The following TP53BP1 variants were observed in gnomAD, a reference collection of about 807,000 sequenced individuals.
TP53BP1 encodes the protein TP53-binding protein 1.
A neutral mutation model predicts 200.8 loss-of-function variants in TP53BP1; 61 were observed. The observed-to-expected ratio is 0.30, with a 90% CI of 0.25 to 0.38. The LOEUF (loss-of-function observed/expected upper bound fraction) is 0.38. Ranked by LOEUF, TP53BP1 falls within the 10% of genes least tolerant of loss-of-function variation. The pLI is 1.00. For synonymous variants in TP53BP1, 822 were observed against 844.3 expected (o/e 0.97, Z 0.46); for missense variants, 2,144 against 2,371.9 (o/e 0.90, Z 2.00).
chr15:43,445,728 C>T (rs2046026845), intron 14 of TP53BP1, among the ~76,000 whole-genome samples: 1 of 152,146 alleles, frequency 6.6e-6, no homozygotes, highest in Admixed American at 6.5e-5. Flanking sequence ...TCACCTGGCA[C>T]CATCGTTCTG....
In TP53BP1 at chr15:43,404,729, G is replaced by A; in HGVS notation, c.*2654C>T. On this transcript the variant is annotated 3_prime_UTR_variant, in exon 28 of 28. Transcript: ENST00000382044. ...TAATGGAGGTTATTTTCTAGTAGAAGTCATCATCATCATAAAATACTAAAA... is the reference window on the plus strand; with the variant it reads ...TAATGGAGGTTATTTTCTAGTAGAAATCATCATCATCATAAAATACTAAAA... The A allele has an allele frequency of 1.5e-6, 1 of 683,270 alleles. No homozygotes were observed. 42.3% of individuals were successfully genotyped at this position (683,270 alleles called of 1,614,324 possible).
intron 18 of TP53BP1, among the ~76,000 whole-genome samples, chr15:43,427,324 T>A (rs1348267373): frequency 6.6e-6 from 1 of 152,150 alleles, no homozygotes; most frequent in Non-Finnish European, 1.5e-5. Context: ...AAGAACAGAA[T>A]GAGTAGACAT....
intron 19 of TP53BP1, among the ~76,000 whole-genome samples, chr15:43,421,461 C>G (rs1484317928): frequency 6.6e-6 from 1 of 152,212 alleles, no homozygotes; most frequent in Admixed American, 6.5e-5. Context: ...TTCTCCTCTA[C>G]TTTAGGCTCT....
At chr15:43,505,728 C>T (rs2079232333) in intron 1 of TP53BP1, among the ~76,000 whole-genome samples, 1 of 152,178 alleles carries the variant, frequency 6.6e-6, no homozygotes. Flanking sequence ...CCATCTCAAC[C>T]TTTTTAGATA....
chr15:43,479,272 T>G, intron 7 of TP53BP1, 125 bp downstream of exon 7: 4 of 969,658 alleles, frequency 4.1e-6, no homozygotes, highest in South Asian at 2.1e-5. Flanking sequence ...ACCACAAGTA[T>G]GCCCAGTACA....
Position 43,479,529 on chromosome 15 carries a change from G to C in TP53BP1, c.659-3C>G. 1 of 1,605,382 alleles carries C rather than the reference G, an allele frequency of 6.2e-7. No individual in the cohort carries two copies. The stretch of plus-strand genomic sequence containing the variant: ...GGACTGTTCTTCATGCTTAATTGCT[G>C]AGAGTTTTATAAAATGACAGGAAGG... On this transcript the variant is annotated splice_polypyrimidine_tract_variant and splice_region_variant and intron_variant, in intron 6 of 27. Coordinates refer to ENST00000382044, the MANE Select transcript of TP53BP1 (RefSeq NM_001141980.3).
Position 43,446,556 on chromosome 15 carries a change from G to T in TP53BP1, c.2871C>A (p.Thr957=). 6.2e-7 allele frequency: 1 copy of T among 1,614,078 alleles called. No individual in the cohort carries two copies. The highest frequency in any genetic ancestry group is 1.1e-5 in the South Asian group (1 of 91,076). Reference sequence around the variant, plus strand: ...CCATGCTTTCAGACATGACATCACTGGTTGCTATGGTGCTTTCTGGATAGT... The same window carrying T: ...CCATGCTTTCAGACATGACATCACTTGTTGCTATGGTGCTTTCTGGATAGT... The part of the protein sequence containing the change: ...ISNYPESTIA[T]SDVMSESMVE... The change falls in exon 14 of 28, where the codon ACC becomes ACA. Residue 957 remains threonine, a synonymous_variant. Transcript: ENST00000382044.
intron 21 of TP53BP1, among the ~76,000 whole-genome samples, chr15:43,417,796 A>C (rs995340943): frequency 2.6e-5 from 4 of 152,234 alleles, no homozygotes; most frequent in African/African-American, 9.6e-5. Context: ...CTAGAAGGTG[A>C]AGTGGCCCAT....
At chr15:43,493,172 G>A, upstream of TP53BP1, 2 of 1,529,120 alleles carry the variant, frequency 1.3e-6, no homozygotes, top group Non-Finnish European at 1.7e-6. Flanking sequence ...TTCCCGTCAC[G>A]TCACACAATA....
chr15:43,405,212 T>A lies in TP53BP1; in HGVS notation c.*2171A>T. 1 of 1,614,164 alleles carries A rather than the reference T, an allele frequency of 6.2e-7. No individual in the cohort carries two copies. The highest frequency in any genetic ancestry group is 2.2e-5 in the East Asian group (1 of 44,870). ...TTTTCTCTTTTGTAGTTTCGGGATG[T>A]GAAAATTTCTGGCTCATAAATTGAA... On this transcript the variant is annotated 3_prime_UTR_variant, in exon 28 of 28. Transcript: ENST00000382044.
chr15:43,482,691 C>T (rs147497081), intron 4 of TP53BP1, among the ~76,000 whole-genome samples: 2,622 of 152,222 alleles, frequency 0.017, 38 homozygotes, highest in South Asian at 0.037. Flanking sequence ...TTGCTTGAAC[C>T]TGGGAATCGG....
rs199716902 is a variant in TP53BP1, at chr15:43,416,389, G to A, written c.4709C>T (p.Ser1570Phe). The change falls in exon 22 of 28, where the codon TCT becomes TTT. Residue 1570 changes from serine to phenylalanine, a missense_variant. Around this residue, in one of 4 missense-constraint regions of TP53BP1, gnomAD observed 61 missense variants for 147.5 expected, o/e 0.41. Transcript: ENST00000382044. ...TTCAATGCTGTAGTACAGTTCCCCA[G>A]ACTCCTTCCTATGTCCTTTCACCAC... Reference protein sequence around the residue: ...AGVVKGHRKESGELYYSIEKE... With the variant: ...AGVVKGHRKEFGELYYSIEKE... The A allele has an allele frequency of 6.2e-7, 1 of 1,614,080 alleles. No individual in the cohort carries two copies. Among genetic ancestry groups the A allele is most frequent in the Non-Finnish European group, 8.5e-7 (1 of 1,179,992 alleles).
In TP53BP1 at chr15:43,441,554, A is replaced by T. The variant is rs1436790329; in HGVS notation, c.3070T>A (p.Ser1024Thr). ...GCAACAGACTCAGCAACAGCAGTAGATCCATTTTTTCTTTCACCAGTTGCA... is the reference window on the plus strand; with the variant it reads ...GCAACAGACTCAGCAACAGCAGTAGTTCCATTTTTTCTTTCACCAGTTGCA... ...KPATGERKNG[S>T]TAVAESVASP... is the part of the protein sequence containing the mutation. The change falls in exon 15 of 28, where the codon TCT becomes ACT. Residue 1024 changes from serine to threonine, a missense_variant. Around this residue, in one of 4 missense-constraint regions of TP53BP1, gnomAD observed 1,700 missense variants for 1,710.3 expected, o/e 0.99. Coordinates refer to ENST00000382044, the MANE Select transcript of TP53BP1 (RefSeq NM_001141980.3). 6.2e-7 allele frequency: 1 copy of T among 1,613,538 alleles called. No individual in the cohort carries two copies. Among genetic ancestry groups the T allele is most frequent in the Non-Finnish European group, 8.5e-7 (1 of 1,179,632 alleles).
At chr15:43,504,140 T>C (rs1469533334) in intron 1 of TP53BP1, among the ~76,000 whole-genome samples, 1 of 152,086 alleles carries the variant, frequency 6.6e-6, no homozygotes, top group Non-Finnish European at 1.5e-5. Flanking sequence ...AATCAATCAA[T>C]AAATTAAAAC....
chr15:43,422,120 C>T lies in TP53BP1; in HGVS notation c.3835G>A (p.Glu1279Lys), dbSNP rs765614216. 21 of 1,613,332 alleles carry T rather than the reference C, an allele frequency of 1.3e-5. No homozygotes were observed. The highest frequency in any genetic ancestry group is 3.3e-5 in the Admixed American group (2 of 59,856). ...TCCTGACACTCTACAATTGGCTCTT[C>T]AGTCTCCTGCAAGGAAAAAATAGAT... The part of the protein sequence containing the change: ...EVERKVTEET[E>K]EPIVECQECE... Residue 1279 changes from glutamate to lysine, a missense_variant, in exon 19 of 28, where the codon GAA (glutamate) becomes AAA (lysine). Glu to Lys is a moderately conservative substitution (Grantham distance 56). Transcript: ENST00000382044.
intron 13 of TP53BP1, 177 bp downstream of exon 13, chr15:43,447,189 T>C: frequency 1.6e-6 from 1 of 622,932 alleles, no homozygotes; most frequent in Non-Finnish European, 2.7e-6. Flanking sequence ...CTTCCTCTCT[T>C]TACCCCTCAT....
rs45520633 is a variant in TP53BP1 at position 43,431,046 on chromosome 15, A to T, written c.3675+1148T>A. On this transcript the variant is annotated intron_variant, in intron 17 of 27. Coordinates refer to ENST00000382044, the MANE Select transcript of TP53BP1 (RefSeq NM_001141980.3). The stretch of plus-strand genomic sequence containing the variant: ...ATGCAATACCATGAGAGTTGATCTG[A>T]TAACCAAGACAGCTACTAAGTCATT... Among the ~76,000 whole-genome samples the T allele has an allele frequency of 6.8e-3, 1,040 of 152,274 alleles. 16 individuals carry two copies. The highest frequency in any genetic ancestry group is 0.038 in the East Asian group (197 of 5,182).
At chr15:43,483,630 G>A (rs902216112) in intron 4 of TP53BP1, among the ~76,000 whole-genome samples, 3 of 152,134 alleles carry the variant, frequency 2.0e-5, no homozygotes, top group Non-Finnish European at 4.4e-5. Context: ...GTTGGGAACC[G>A]TGACCCAAGC....
At position 43,435,015 on chromosome 15, in the gene TP53BP1, CT is replaced by C. The variant is rs530297616; in HGVS notation, c.3192-2339del. Among the ~76,000 whole-genome samples the C allele has an allele frequency of 1.8e-4, 27 of 152,234 alleles. No homozygotes were observed. The South Asian group carries it at 5.4e-3, about 30-fold the overall frequency. ...GTGGCTCACACCAGTAATCCCAGCA[CT>C]TTGGGAAGCCAAGACGGGTGGATCA... On this transcript the variant is annotated intron_variant, in intron 16 of 27. Coordinates refer to ENST00000382044, the MANE Select transcript of TP53BP1 (RefSeq NM_001141980.3).
Sources: allele counts gnomAD v4.1 joint callset (sites outside exome capture counted in the v4.1 genomes callset), GRCh38; gene constraint gnomAD v4.1.1; regional missense constraint gnomAD v4.1.1; transcripts MANE v1.5; gene names NCBI Gene and HGNC (gene_info 2026-07-23, HGNC 2026-07-21).